Variants in DNAH9 observed in about 807,000 individuals in gnomAD.
DNAH9 encodes the protein DNAH9 variant protein.
A neutral mutation model predicts 471.6 loss-of-function variants in DNAH9; 345 were observed. That is an observed-to-expected ratio of 0.73 (90% confidence interval 0.67 to 0.80). The LOEUF (loss-of-function observed/expected upper bound fraction) is 0.80. Among genes scored for constraint, DNAH9 ranks in the 30% least tolerant of loss-of-function variants. The pLI is 0.00. For missense variants in DNAH9, 5,407 were observed against 5,609.2 expected (o/e 0.96, Z 1.15); for synonymous variants, 2,093 against 2,123.6 (o/e 0.99, Z 0.40).
intron 17 of DNAH9, 71 bp from the exon 18 acceptor site, chr17:11,679,686 G>A: frequency 9.1e-7 from 1 of 1,102,310 alleles, no homozygotes. Context: ...TTTTTGTTGG[G>A]GAAATCAATA....
chr17:11,831,418 A>C (rs1567833422), intron 48 of DNAH9, among the ~76,000 whole-genome samples: 1 of 151,944 alleles, frequency 6.6e-6, no homozygotes, highest in Non-Finnish European at 1.5e-5. Context: ...GAACTCACTC[A>C]CCCACCCCCA....
chr17:11,620,568 A>C (rs1327635954), intron 6 of DNAH9, among the ~76,000 whole-genome samples: 2 of 152,030 alleles, frequency 1.3e-5, no homozygotes, highest in African/African-American at 4.8e-5. Flanking sequence ...ATTGACCATC[A>C]CATCACATAA....
At chr17:11,881,146 T>C (rs1597783946) in intron 54 of DNAH9, 63 bp from the exon 55 acceptor site, 1 of 1,534,444 alleles carries the variant, frequency 6.5e-7, no homozygotes, top group East Asian at 2.3e-5. Context: ...AAATCTCAAA[T>C]TCTGACCCCA....
intron 50 of DNAH9, among the ~76,000 whole-genome samples, chr17:11,868,719 G>A (rs1423097298): frequency 6.6e-6 from 1 of 151,952 alleles, no homozygotes; most frequent in East Asian, 1.9e-4. Flanking sequence ...TCTAATAGCA[G>A]CACCTGCACC....
intron 41 of DNAH9, 133 bp downstream of exon 41, chr17:11,784,672 A>G (rs938373931): frequency 5.3e-6 from 7 of 1,319,828 alleles, no homozygotes; most frequent in African/African-American, 2.9e-5. Flanking sequence ...AATCATGAAC[A>G]TAAGCAGGTA....
At position 11,894,360 on chromosome 17, in the gene DNAH9, T is replaced by TCTCCACATTG; in HGVS notation, c.11284-12_11284-3dup. 6.2e-7 allele frequency: 1 copy of TCTCCACATTG among 1,613,452 alleles called. No individual in the cohort carries two copies. Among genetic ancestry groups the TCTCCACATTG allele is most frequent in the Non-Finnish European group, 8.5e-7 (1 of 1,179,652 alleles). On this transcript the variant is annotated splice_polypyrimidine_tract_variant and intron_variant, in intron 58 of 68. Coordinates refer to ENST00000262442, the MANE Select transcript of DNAH9 (RefSeq NM_001372.4). Reference sequence around the variant, plus strand: ...CAAGCTAAAGAAATGCAGTATCATTTCTCCACATTGCAGATTCTCCTCATG... The same window carrying TCTCCACATTG: ...CAAGCTAAAGAAATGCAGTATCATTTCTCCACATTGCTCCACATTGCAGATTCTCCTCATG...
chr17:11,883,575 G>A lies in DNAH9; in HGVS notation c.10807-11G>A. On this transcript the variant is annotated splice_polypyrimidine_tract_variant and intron_variant, in intron 55 of 68. Transcript: ENST00000262442. ...ATCTGCACCTGACTGTCTCTTGCTT[G>A]ATATTTGCAGTCCGATCTCACAAAG... 6.2e-7 allele frequency: 1 copy of A among 1,613,668 alleles called. No individual in the cohort carries two copies. The highest frequency in any genetic ancestry group is 8.5e-7 in the Non-Finnish European group (1 of 1,179,750).
intron 6 of DNAH9, among the ~76,000 whole-genome samples, chr17:11,621,646 A>T (rs768621064): frequency 5.9e-5 from 9 of 152,194 alleles, no homozygotes; most frequent in Non-Finnish European, 1.2e-4. Flanking sequence ...GAACTGAGAT[A>T]CAAAGACGAC....
intron 62 of DNAH9, among the ~76,000 whole-genome samples, chr17:11,924,567 T>C (rs1974252631): frequency 6.6e-6 from 1 of 152,044 alleles, no homozygotes; most frequent in Non-Finnish European, 1.5e-5. Context: ...TATTAAATTA[T>C]TTCATTTAAC....
At chr17:11,851,428 C>T (rs1327532316) in intron 49 of DNAH9, among the ~76,000 whole-genome samples, 1 of 152,108 alleles carries the variant, frequency 6.6e-6, no homozygotes, top group Non-Finnish European at 1.5e-5. Flanking sequence ...GAATTGAGAT[C>T]TTGGTGGATG....
chr17:11,684,077 T>G (rs1302037162), intron 19 of DNAH9, among the ~76,000 whole-genome samples: 1 of 152,220 alleles, frequency 6.6e-6, no homozygotes, highest in Non-Finnish European at 1.5e-5. Flanking sequence ...CCCTGGTATA[T>G]TTTTCTGTGA....
At chr17:11,696,334 A>G (rs917261391) in intron 22 of DNAH9, among the ~76,000 whole-genome samples, 3 of 152,140 alleles carry the variant, frequency 2.0e-5, no homozygotes, top group Non-Finnish European at 4.4e-5. Context: ...TAATATTTGC[A>G]TCATACTCCA....
intron 36 of DNAH9, among the ~76,000 whole-genome samples, chr17:11,768,195 G>A (rs1009323806): frequency 6.6e-6 from 1 of 152,166 alleles, no homozygotes; most frequent in Non-Finnish European, 1.5e-5. Flanking sequence ...TTCAGTGGCT[G>A]TAAGACATGG....
intron 62 of DNAH9, 53 bp from the exon 63 acceptor site, chr17:11,929,813 A>C: frequency 6.8e-7 from 1 of 1,478,918 alleles, no homozygotes; most frequent in African/African-American, 1.4e-5. Context: ...ATTTACTGCT[A>C]ACAGAGCTAA....
intron 61 of DNAH9, among the ~76,000 whole-genome samples, chr17:11,919,351 C>T (rs1023020974): frequency 6.6e-6 from 1 of 151,720 alleles, no homozygotes; most frequent in African/African-American, 2.4e-5. Flanking sequence ...AAAAATTAGC[C>T]AGGCGTGGTG....
At chr17:11,760,582 C>T (rs970987027) in intron 35 of DNAH9, among the ~76,000 whole-genome samples, 2 of 151,792 alleles carry the variant, frequency 1.3e-5, no homozygotes, top group South Asian at 2.1e-4. Context: ...TGCAGTGGCG[C>T]GATCTTGGCT....
chr17:11,884,111 C>G (rs1008252628), intron 56 of DNAH9, among the ~76,000 whole-genome samples: 1 of 152,160 alleles, frequency 6.6e-6, no homozygotes. Flanking sequence ...AATCGCACTG[C>G]TGGAAAAGCC....
At chr17:11,677,631 T>C (rs913303401) in intron 17 of DNAH9, among the ~76,000 whole-genome samples, 2 of 152,194 alleles carry the variant, frequency 1.3e-5, no homozygotes, top group Non-Finnish European at 2.9e-5. Context: ...TCATTAACAT[T>C]GATCGTGGTA....
At position 11,690,095 on chromosome 17, in the gene DNAH9, G is replaced by C; in HGVS notation, c.4273G>C (p.Asp1425His). ...HYEDEVRGIV[D>H]KAAKEMGMEK... ...TGAGGATGAGGTCCGGGGCATTGTG[G>C]ACAAAGCTGCAAAAGAGATGGGTAT... The change falls in exon 20 of 69, where the codon GAC (aspartate) becomes CAC (histidine). Residue 1425 changes from aspartate to histidine, a missense_variant. This residue lies in a region of DNAH9 where 4,636 missense variants were observed against 4,900.3 expected (regional missense o/e 0.95). Transcript: ENST00000262442. 1.2e-6 allele frequency: 2 copies of C among 1,614,198 alleles called. No homozygotes were observed. The highest frequency in any genetic ancestry group is 1.7e-6 in the Non-Finnish European group (2 of 1,180,038).
Sources: gnomAD v4.1 joint callset for allele counts (sites outside exome capture counted in the v4.1 genomes callset) on GRCh38, gnomAD v4.1.1 for gene constraint, gnomAD v4.1.1 regional missense constraint, MANE v1.5 for transcripts, NCBI Gene and HGNC (gene_info 2026-07-23, HGNC 2026-07-21) for gene names.